DMXL2: variants seen among roughly 807,000 people sequenced by gnomAD.
DMXL2 encodes Dmx like 2.
DMXL2 carries 103 observed loss-of-function variants against 331.1 expected under a neutral mutation model. That is an observed-to-expected ratio of 0.31 (90% CI 0.27 to 0.37). DMXL2 has a LOEUF of 0.37. Among genes scored for constraint, DMXL2 ranks in the 10% least tolerant of loss-of-function variants. The pLI is 1.00. For synonymous variants in DMXL2, 1,281 were observed against 1,252.1 expected, an observed-to-expected ratio of 1.02 and a Z score of -0.49; for missense variants, 3,171 against 3,642.9, an observed-to-expected ratio of 0.87 and a Z score of 3.33.
chr15:51,486,605 TTAAA>T (rs1259327687), intron 22 of DMXL2, among the ~76,000 whole-genome samples: 3 of 152,182 alleles, frequency 2.0e-5, no homozygotes, highest in Non-Finnish European at 4.4e-5. Context: ...TAAGATCAAC[TTAAA>T]TAACATTCAT....
intron 37 of DMXL2, 106 bp downstream of exon 37, chr15:51,457,222 A>T: frequency 8.6e-7 from 1 of 1,157,030 alleles, no homozygotes; most frequent in Non-Finnish European, 1.2e-6. Flanking sequence ...TGGCCTATCT[A>T]CTGGTGTTTG....
At chr15:51,479,680 A>G (rs569467698) in intron 25 of DMXL2, among the ~76,000 whole-genome samples, 9 of 152,336 alleles carry the variant, frequency 5.9e-5, no homozygotes, top group Non-Finnish European at 1.0e-4. Flanking sequence ...TGGAGGATCT[A>G]AAGGGATATT....
At chr15:51,539,204 C>T (rs1174634107) in intron 9 of DMXL2, among the ~76,000 whole-genome samples, 1 of 148,662 alleles carries the variant, frequency 6.7e-6, no homozygotes, top group African/African-American at 2.5e-5. Flanking sequence ...AGCAAGACTC[C>T]GTTTCCAAAA....
intron 1 of DMXL2, among the ~76,000 whole-genome samples, chr15:51,604,399 TAC>T (rs1567176666): frequency 1.4e-5 from 2 of 139,628 alleles, no homozygotes. Flanking sequence ...CCAAGAGATT[TAC>T]AAAAAAAAAA....
chr15:51,596,419 C>A (rs2052809646), intron 1 of DMXL2, among the ~76,000 whole-genome samples: 1 of 152,138 alleles, frequency 6.6e-6, no homozygotes, highest in Non-Finnish European at 1.5e-5. Context: ...AGTCAGGAAA[C>A]AACAGGTGCT....
intron 11 of DMXL2, among the ~76,000 whole-genome samples, chr15:51,537,096 C>T (rs2048330404): frequency 6.6e-6 from 1 of 152,102 alleles, no homozygotes; most frequent in Non-Finnish European, 1.5e-5. Flanking sequence ...ATGACCACAG[C>T]CACAGATCTA....
chr15:51,587,617 C>T (rs191807487), intron 1 of DMXL2, among the ~76,000 whole-genome samples: 48 of 152,204 alleles, frequency 3.2e-4, no homozygotes, highest in Admixed American at 1.6e-3. Flanking sequence ...TGAATAGTGC[C>T]GCAGTAAACA....
rs2038813487 is a variant in DMXL2, at chr15:51,447,823, A to AAATGT, written c.*1160_*1161insACATT. Reference sequence around the variant, plus strand: ...AATAACATTTATTTTTCTTTTACATATATATTTCACAGCCTGAACATCACA... The same window carrying AAATGT: ...AATAACATTTATTTTTCTTTTACATAAATGTTATATTTCACAGCCTGAACATCACA... On this transcript the variant is annotated 3_prime_UTR_variant, in exon 44 of 44. Coordinates refer to ENST00000560891, the MANE Select transcript of DMXL2 (RefSeq NM_001378457.1). 1 of 152,658 alleles carries AAATGT rather than the reference A, an allele frequency of 6.6e-6. No individual in the cohort carries two copies. Among genetic ancestry groups the AAATGT allele is most frequent in the Non-Finnish European group, 1.5e-5 (1 of 68,040 alleles). 9.5% of individuals were successfully genotyped at this position (152,658 alleles called of 1,614,324 possible). A position where few individuals can be genotyped will look rare whatever the true frequency, so the allele number is the denominator to read the frequency against.
intron 33 of DMXL2, among the ~76,000 whole-genome samples, chr15:51,461,444 A>G (rs1026670506): frequency 6.6e-6 from 1 of 152,250 alleles, no homozygotes; most frequent in African/African-American, 2.4e-5. Flanking sequence ...TACTTAAAAC[A>G]TACTTGTGAT....
intron 1 of DMXL2, among the ~76,000 whole-genome samples, chr15:51,614,162 T>C (rs1421441180): frequency 6.6e-6 from 1 of 151,786 alleles, no homozygotes; most frequent in Admixed American, 6.6e-5. Flanking sequence ...GGAAAAGCCA[T>C]ATGAGGAAAT....
chr15:51,468,077 A>G (rs2140289666), intron 29 of DMXL2, among the ~76,000 whole-genome samples: 1 of 152,330 alleles, frequency 6.6e-6, no homozygotes, highest in East Asian at 1.9e-4. Context: ...GACATATTTT[A>G]AAAGATACTA....
At chr15:51,530,689 C>T (rs1039200332) in intron 13 of DMXL2, among the ~76,000 whole-genome samples, 4 of 151,924 alleles carry the variant, frequency 2.6e-5, no homozygotes, top group African/African-American at 9.7e-5. Context: ...TGGGAGGCAG[C>T]GGTTGCAGTG....
In DMXL2 at chr15:51,471,318, C is replaced by A; in HGVS notation, c.7297G>T (p.Asp2433Tyr). Reference protein sequence around the residue: ...RMLVPGRPVKDATPPPVPAER... With the variant: ...RMLVPGRPVKYATPPPVPAER... ...GCAGGCACCGGTGGTGGGGTAGCAT[C>A]TTTTACAGGCCTTCCAGGGACGAGC... Residue 2433 changes from aspartate to tyrosine, a missense_variant, in exon 29 of 44, where the codon GAT becomes TAT. By Grantham distance (160) the Asp-to-Tyr change is radical. Transcript: ENST00000560891. The A allele has an allele frequency of 6.2e-7, 1 of 1,613,982 alleles. No homozygotes were observed. The highest frequency in any genetic ancestry group is 8.5e-7 in the Non-Finnish European group (1 of 1,179,952).
chr15:51,594,384 A>G (rs2052627557), intron 1 of DMXL2, among the ~76,000 whole-genome samples: 1 of 152,360 alleles, frequency 6.6e-6, no homozygotes, highest in Non-Finnish European at 1.5e-5. Flanking sequence ...GAATCTCTGA[A>G]CAGACCAATA....
chr15:51,596,904 C>T (rs1033630382), intron 1 of DMXL2, among the ~76,000 whole-genome samples: 2 of 152,082 alleles, frequency 1.3e-5, no homozygotes, highest in African/African-American at 2.4e-5. Flanking sequence ...GGGAACATCA[C>T]ACACCGGGGC....
intron 1 of DMXL2, among the ~76,000 whole-genome samples, chr15:51,576,399 T>G (rs1475817478): frequency 6.6e-6 from 1 of 152,106 alleles, no homozygotes; most frequent in Non-Finnish European, 1.5e-5. Context: ...ATTCAACAAC[T>G]GTTACTAATA....
At position 51,533,349 on chromosome 15, in the gene DMXL2, T is replaced by A. The variant is rs76221026; in HGVS notation, c.2436+2314A>T. Among the ~76,000 whole-genome samples, 391 of 152,216 alleles carry A rather than the reference T, an allele frequency of 2.6e-3. 18 individuals are homozygous for A. In the East Asian group the frequency reaches 0.062, roughly 24 times the overall value. ...TTATATTTTGAGTACTATATTATTA[T>A]TTGAAGGTAGACTATGAGAGGTTAA... On this transcript the variant is annotated intron_variant, in intron 13 of 43. Coordinates refer to ENST00000560891, the MANE Select transcript of DMXL2 (RefSeq NM_001378457.1).
rs2051099392 is a variant in DMXL2 at position 51,577,071 on chromosome 15, C to T, written c.88-890G>A. ...AGGGTCAGAGAGTTGGGACATATTT[C>T]TTTTTCTTCCAAACTACTTATGATT... is the stretch of plus-strand genomic sequence containing the variant. On this transcript the variant is annotated intron_variant, in intron 1 of 43. Coordinates refer to ENST00000560891, the MANE Select transcript of DMXL2 (RefSeq NM_001378457.1). Among the ~76,000 whole-genome samples, 4 of 152,144 alleles carry T rather than the reference C, an allele frequency of 2.6e-5. No homozygotes were observed. The South Asian group carries it at 6.2e-4, about 24-fold the overall frequency.
intron 1 of DMXL2, among the ~76,000 whole-genome samples, chr15:51,585,859 T>C (rs2141201163): frequency 6.6e-6 from 1 of 152,332 alleles, no homozygotes; most frequent in Non-Finnish European, 1.5e-5. Flanking sequence ...TATTGGTCCA[T>C]TTGTCTTTCT....
Sources: gnomAD v4.1 joint callset for allele counts (sites outside exome capture counted in the v4.1 genomes callset) on GRCh38, gnomAD v4.1.1 for gene constraint, MANE v1.5 for transcripts, NCBI Gene and HGNC (gene_info 2026-07-23, HGNC 2026-07-21) for gene names.